LRP8: variants seen among roughly 807,000 people sequenced by gnomAD.
LRP8 encodes low-density lipoprotein receptor-related protein 8.
Under a neutral mutation model 111.6 loss-of-function variants are expected in LRP8, and 46 were observed. The observed-to-expected ratio is 0.41, with a 90% CI of 0.33 to 0.53. The LOEUF is 0.53. LRP8 is among the 20% of genes least tolerant of loss of function. The pLI, the probability that LRP8 is intolerant of heterozygous loss-of-function variation, is 0.20. For missense variants in LRP8, 959 were observed against 1,297.4 expected (o/e 0.74, Z 4.01); for synonymous variants, 464 against 511.2 (o/e 0.91, Z 1.24).
At chr1:53,257,559 G>A (rs548137693) in intron 14 of LRP8, 95 bp from the exon 15 acceptor site, 14 of 925,072 alleles carry the variant, frequency 1.5e-5, no homozygotes, top group South Asian at 9.4e-5. Context: ...TCTTCATGGC[G>A]TAGCTCAAAT....
chr1:53,292,812 G>T (rs1159403771), intron 2 of LRP8, among the ~76,000 whole-genome samples: 1 of 152,138 alleles, frequency 6.6e-6, no homozygotes, highest in African/African-American at 2.4e-5. Flanking sequence ...GGGGAGCAGG[G>T]TCACAGTCTG....
Position 53,328,016 on chromosome 1 carries a change from C to CCCGCTG in LRP8, c.-105_-104insCAGCGG. ...CCGCGGCGCCGGGGTTGCCGCTGCC[C>CCCGCTG]CCGCCGCCGCCGCCGCCGCCGCTGC... On this transcript the variant is annotated 5_prime_UTR_variant, in exon 1 of 19. Coordinates refer to ENST00000306052, the MANE Select transcript of LRP8 (RefSeq NM_004631.5). 1 of 611,196 alleles carries CCCGCTG rather than the reference C, an allele frequency of 1.6e-6. No homozygotes were observed. The highest frequency in any genetic ancestry group is 6.6e-5 in the South Asian group (1 of 15,096). 37.9% of individuals were successfully genotyped at this position (611,196 alleles called of 1,614,324 possible). A position where few individuals can be genotyped will look rare whatever the true frequency, so the allele number is the denominator to read the frequency against.
At chr1:53,276,224 A>G (rs61769629) in intron 5 of LRP8, among the ~76,000 whole-genome samples, 2,370 of 152,196 alleles carry the variant, frequency 0.016, 33 homozygotes, top group East Asian at 0.075. Context: ...AGCAAGGGTG[A>G]GGAATGCTCA....
intron 2 of LRP8, among the ~76,000 whole-genome samples, chr1:53,296,432 G>A (rs1649729379): frequency 6.6e-6 from 1 of 152,208 alleles, no homozygotes. Flanking sequence ...GCACAGGGTG[G>A]CCTGGCTCTG....
chr1:53,260,711 C>T, intron 12 of LRP8, 106 bp from the exon 13 acceptor site: 1 of 1,143,550 alleles, frequency 8.7e-7, no homozygotes, highest in South Asian at 1.4e-5. Context: ...CCTGAAATCT[C>T]CCCTGATCTG....
At chr1:53,264,719 G>A (rs956006080) in intron 9 of LRP8, among the ~76,000 whole-genome samples, 1 of 152,148 alleles carries the variant, frequency 6.6e-6, no homozygotes, top group Non-Finnish European at 1.5e-5. Context: ...CCGAGAGGGC[G>A]GGAGAAGGCT....
intron 2 of LRP8, among the ~76,000 whole-genome samples, chr1:53,289,954 C>T (rs1219677972): frequency 6.6e-6 from 1 of 152,224 alleles, no homozygotes; most frequent in Non-Finnish European, 1.5e-5. Flanking sequence ...CCTGCTTCCC[C>T]TCAATGTCTA....
chr1:53,312,525 A>AT (rs568797655), intron 2 of LRP8, among the ~76,000 whole-genome samples: 17,544 of 145,610 alleles, frequency 0.12, 2,425 homozygotes, highest in African/African-American at 0.34. Context: ...CACCTGGCTA[A>AT]TTTTTTTTTT....
At position 53,275,055 on chromosome 1, in the gene LRP8, T is replaced by G. The variant is rs1646875788; in HGVS notation, c.1006+576A>C. 6.6e-6 allele frequency among the ~76,000 whole-genome samples: 1 copy of G among 152,208 alleles called. No homozygotes were observed. Among genetic ancestry groups the G allele is most frequent in the African/African-American group, 2.4e-5 (1 of 41,456 alleles). ...GTAGCTGGGCAGGGCTGTGGGGATC[T>G]GCGTCTCATCTTGCAGGACTCAGGT... is the stretch of plus-strand genomic sequence containing the variant. On this transcript the variant is annotated intron_variant, in intron 6 of 18. Transcript: ENST00000306052. This position sits in a 1 kb window ranked among gnomAD's most constrained non-coding sequence, Gnocchi z 4.4.
At chr1:53,269,611 AC>A (rs1274440214) in intron 8 of LRP8, among the ~76,000 whole-genome samples, 2 of 150,980 alleles carry the variant, frequency 1.3e-5, no homozygotes, top group South Asian at 4.2e-4. Context: ...CACCACACCC[AC>A]CCCCCTTCAC....
intron 2 of LRP8, among the ~76,000 whole-genome samples, chr1:53,313,418 C>A (rs906420733): frequency 6.6e-6 from 1 of 152,124 alleles, no homozygotes; most frequent in Non-Finnish European, 1.5e-5. Context: ...CCAGAGGCAC[C>A]CTCCACCCCT....
At chr1:53,299,477 C>T (rs1650391192) in intron 2 of LRP8, among the ~76,000 whole-genome samples, 1 of 152,236 alleles carries the variant, frequency 6.6e-6, no homozygotes, top group Non-Finnish European at 1.5e-5. Context: ...TGGTGTGGGA[C>T]TGCTGCCTCT....
intron 2 of LRP8, among the ~76,000 whole-genome samples, chr1:53,308,638 C>T (rs1280062292): frequency 3.3e-5 from 5 of 152,214 alleles, no homozygotes; most frequent in Admixed American, 1.3e-4. Context: ...CCTCACCGCC[C>T]GGACCTTGCC....
In LRP8 at chr1:53,249,925, C is replaced by T. The variant is rs907682647; in HGVS notation, c.2677-369G>A. Among the ~76,000 whole-genome samples the T allele has an allele frequency of 5.3e-5, 8 of 152,182 alleles. No individual in the cohort carries two copies. The highest frequency in any genetic ancestry group is 1.9e-4 in the African/African-American group (8 of 41,432). On this transcript the variant is annotated intron_variant, in intron 17 of 18. Coordinates refer to ENST00000306052, the MANE Select transcript of LRP8 (RefSeq NM_004631.5). This position sits in a 1 kb window ranked among gnomAD's most constrained non-coding sequence, Gnocchi z 4.1. ...CTAGGCATCAGGAAAACAGATTAAT[C>T]AGACAGTTCTGCCCTCAAGGATCTT...
At position 53,262,326 on chromosome 1, in the gene LRP8, A is replaced by G. The variant is rs1298747028; in HGVS notation, c.1775-119T>C. ...ACACTGAGGCCAGCCTACGGCAACC[A>G]TTAGGAAACAAAGTCACTGGCACCA... On this transcript the variant is annotated intron_variant, in intron 11 of 18. Transcript: ENST00000306052. This position sits in a 1 kb window ranked among gnomAD's most constrained non-coding sequence, Gnocchi z 4.8. 3.3e-6 allele frequency: 5 copies of G among 1,521,504 alleles called. No homozygotes were observed. Among genetic ancestry groups the G allele is most frequent in the Non-Finnish European group, 3.6e-6 (4 of 1,107,152 alleles). 94.3% of individuals were successfully genotyped at this position (1,521,504 alleles called of 1,614,324 possible).
At chr1:53,292,677 G>A (rs556192830) in intron 2 of LRP8, among the ~76,000 whole-genome samples, 24 of 152,166 alleles carry the variant, frequency 1.6e-4, no homozygotes, top group Admixed American at 2.6e-4. Flanking sequence ...CTTCCTCTGT[G>A]CCAGTCTCTG....
chr1:53,275,700 G>A lies in LRP8; in HGVS notation c.937C>T (p.Leu313Phe), dbSNP rs759416433. 2 of 1,614,072 alleles carry A rather than the reference G, an allele frequency of 1.2e-6. No homozygotes were observed. Among genetic ancestry groups the A allele is most frequent in the Admixed American group, 1.7e-5 (1 of 60,022 alleles). The part of the protein sequence containing the change: ...EFQCGDGTCV[L>F]AIKHCNQEQD... Reference sequence around the variant, plus strand: ...TCCTGGTTGCAGTGCTTGATTGCAAGGACACATGTCCCATCCCCACACTGG... The same window carrying A: ...TCCTGGTTGCAGTGCTTGATTGCAAAGACACATGTCCCATCCCCACACTGG... The change falls in exon 6 of 19, where the codon CTT becomes TTT. Residue 313 changes from leucine (L) to phenylalanine (F), a missense_variant. Coordinates refer to ENST00000306052, the MANE Select transcript of LRP8 (RefSeq NM_004631.5). The surrounding 1 kb of genome is among the most constrained non-coding windows in gnomAD (Gnocchi z 4.4).
At chr1:53,319,241 T>C (rs192355067) in intron 2 of LRP8, among the ~76,000 whole-genome samples, 3 of 152,282 alleles carry the variant, frequency 2.0e-5, no homozygotes, top group African/African-American at 7.2e-5. Context: ...GAAACTAAGA[T>C]GCCCTCCAGA....
intron 2 of LRP8, among the ~76,000 whole-genome samples, chr1:53,321,023 T>C (rs1365386897): frequency 6.6e-6 from 1 of 152,102 alleles, no homozygotes; most frequent in African/African-American, 2.4e-5. Context: ...CCTCCCAGGG[T>C]TGTGAGTAGT....
Sources: gnomAD v4.1 joint callset for allele counts (sites outside exome capture counted in the v4.1 genomes callset) on GRCh38, gnomAD v4.1.1 for gene constraint, Gnocchi (gnomAD v3.1) non-coding constraint, MANE v1.5 for transcripts, NCBI Gene and HGNC (gene_info 2026-07-23, HGNC 2026-07-21) for gene names.